ZNF503: variants seen among roughly 807,000 people sequenced by gnomAD.
The protein encoded by ZNF503 is zinc finger protein 503, also known as NocA-like zinc finger 2.
ZNF503 carries 15 observed loss-of-function variants against 34.4 expected under a neutral mutation model. The observed-to-expected ratio is 0.44, with a 90% CI of 0.29 to 0.67. The LOEUF is 0.67. ZNF503 is among the 30% of genes least tolerant of loss of function. The pLI, the probability that ZNF503 is intolerant of heterozygous loss-of-function variation, is 0.13. For synonymous variants in ZNF503, 580 were observed against 456.8 expected (o/e 1.27, Z -3.44); for missense variants, 1,007 against 926.8 (o/e 1.09, Z -1.12).
chr10:75,300,303 G>C, the ZNF503 span, among the ~76,000 whole-genome samples: 2 of 152,214 alleles, frequency 1.3e-5, no homozygotes, highest in Non-Finnish European at 2.9e-5. Flanking sequence ...AACAATTGCT[G>C]TTATCCTGTT....
the ZNF503 span, among the ~76,000 whole-genome samples, chr10:75,288,149 C>T: frequency 6.6e-6 from 1 of 152,340 alleles, no homozygotes; most frequent in African/African-American, 2.4e-5. Context: ...TCAAGAGAGC[C>T]ACAGTTACAT....
At chr10:75,323,957 T>A in the ZNF503 span, among the ~76,000 whole-genome samples, 10 of 136,302 alleles carry the variant, frequency 7.3e-5, no homozygotes, top group African/African-American at 2.8e-4. Context: ...ACCATTGCAC[T>A]CTAGCCTGCG....
At chr10:75,285,804 T>C in the ZNF503 span, among the ~76,000 whole-genome samples, 2 of 152,208 alleles carry the variant, frequency 1.3e-5, no homozygotes, top group Non-Finnish European at 2.9e-5. Flanking sequence ...CATTAGGCTG[T>C]AGCTGATGGC....
chr10:75,341,078 T>A, the ZNF503 span, among the ~76,000 whole-genome samples: 2 of 152,244 alleles, frequency 1.3e-5, no homozygotes, highest in Non-Finnish European at 2.9e-5. Flanking sequence ...GACGCCCAGT[T>A]TTACACAGGT....
chr10:75,359,332 T>G, the ZNF503 span, among the ~76,000 whole-genome samples: 2 of 152,244 alleles, frequency 1.3e-5, no homozygotes, highest in Non-Finnish European at 2.9e-5. Context: ...TCTTCCTGAG[T>G]GACTGTAATG....
chr10:75,286,753 C>T, the ZNF503 span, among the ~76,000 whole-genome samples: 1 of 152,168 alleles, frequency 6.6e-6, no homozygotes, highest in Non-Finnish European at 1.5e-5. Flanking sequence ...GGAAAGGTGT[C>T]CCACACCAAC....
rs745806582 is a variant in ZNF503 at position 75,400,234 on chromosome 10, C to T, written c.456G>A (p.Ala152=). 6.2e-7 allele frequency: 1 copy of T among 1,610,776 alleles called. No individual in the cohort carries two copies. Among genetic ancestry groups the T allele is most frequent in the African/African-American group, 1.3e-5 (1 of 74,886 alleles). The change falls in exon 2 of 2, where the codon GCG becomes GCA. Residue 152 remains alanine (A), a synonymous_variant. Coordinates refer to ENST00000372524, the MANE Select transcript of ZNF503 (RefSeq NM_032772.6). Reference sequence around the variant, plus strand: ...GGCCCGATTTGGTGTCCTTGTCGCCCGCAGCACCGCCGCCGGCACCGCCCG... The same window carrying T: ...GGCCCGATTTGGTGTCCTTGTCGCCTGCAGCACCGCCGCCGGCACCGCCCG... ...GGAGGAGGGA[A]GDKDTKSGPL...
At chr10:75,309,285 T>C in the ZNF503 span, among the ~76,000 whole-genome samples, 1 of 152,198 alleles carries the variant, frequency 6.6e-6, no homozygotes, top group African/African-American at 2.4e-5. Flanking sequence ...CAGCAGCAGG[T>C]TTAGAGAGAA....
At chr10:75,286,493 G>T in the ZNF503 span, among the ~76,000 whole-genome samples, 1 of 152,306 alleles carries the variant, frequency 6.6e-6, no homozygotes. Flanking sequence ...CAGCCTTGGA[G>T]CAAGATAGAA....
chr10:75,285,523 G>T, the ZNF503 span, among the ~76,000 whole-genome samples: 3 of 152,334 alleles, frequency 2.0e-5, no homozygotes, highest in African/African-American at 4.8e-5. Context: ...GACTTAAGTT[G>T]ACTTGCAAGC....
At chr10:75,290,740 A>G in the ZNF503 span, among the ~76,000 whole-genome samples, 2 of 152,322 alleles carry the variant, frequency 1.3e-5, no homozygotes, top group East Asian at 3.9e-4. Context: ...AGTTGTCTCA[A>G]ATGCACTTCA....
the ZNF503 span, among the ~76,000 whole-genome samples, chr10:75,302,604 G>C: frequency 2.0e-5 from 3 of 152,160 alleles, no homozygotes; most frequent in Non-Finnish European, 2.9e-5. Context: ...CATACACACA[G>C]CCTCTGGCTA....
the ZNF503 span, among the ~76,000 whole-genome samples, chr10:75,327,184 C>T: frequency 6.6e-6 from 1 of 152,200 alleles, no homozygotes; most frequent in Admixed American, 6.5e-5. Context: ...CTTATTCCTC[C>T]TGTCTAGCTC....
the ZNF503 span, among the ~76,000 whole-genome samples, chr10:75,309,338 A>G: frequency 6.6e-6 from 1 of 152,250 alleles, no homozygotes; most frequent in Non-Finnish European, 1.5e-5. Context: ...GGTGAATGCT[A>G]TCAAACAGCA....
At chr10:75,400,925 A>G (rs1285163843) in intron 1 of ZNF503, 180 bp downstream of exon 1, 4 of 918,570 alleles carry the variant, frequency 4.4e-6, no homozygotes, top group Non-Finnish European at 6.5e-6. Flanking sequence ...TGCACGCCCC[A>G]TTCCACTTCC....
the ZNF503 span, among the ~76,000 whole-genome samples, chr10:75,369,938 G>T: frequency 1.3e-5 from 2 of 152,096 alleles, no homozygotes; most frequent in Admixed American, 1.3e-4. Context: ...GTGGTGGTGT[G>T]TGCCTGTAGT....
chr10:75,329,371 C>CTTCT, the ZNF503 span, among the ~76,000 whole-genome samples: 5 of 139,826 alleles, frequency 3.6e-5, no homozygotes, highest in Non-Finnish European at 6.1e-5. Context: ...CATAAAACAG[C>CTTCT]TTCTTTCTTT....
chr10:75,353,020 G>A, the ZNF503 span, among the ~76,000 whole-genome samples: 1 of 152,244 alleles, frequency 6.6e-6, no homozygotes, highest in Admixed American at 6.5e-5. Context: ...CCGAGGGGGG[G>A]CACCTCTGTC....
the ZNF503 span, among the ~76,000 whole-genome samples, chr10:75,292,632 C>T: frequency 9.9e-5 from 15 of 152,170 alleles, no homozygotes; most frequent in Non-Finnish European, 1.3e-4. Context: ...TGCCTATTCC[C>T]GGGCCAATCA....
Sources: gnomAD v4.1 joint callset for allele counts (sites outside exome capture counted in the v4.1 genomes callset) on GRCh38, gnomAD v4.1.1 for gene constraint, MANE v1.5 for transcripts, NCBI Gene and HGNC (gene_info 2026-07-23, HGNC 2026-07-21) for gene names.